The following TNIP3 variants were observed in gnomAD, a reference collection of about 807,000 sequenced individuals.
The protein encoded by TNIP3 is TNFAIP3-interacting protein 3.
Under a neutral mutation model 54.1 loss-of-function variants are expected in TNIP3, and 34 were observed. That is an observed-to-expected ratio of 0.63 (90% CI 0.48 to 0.84). TNIP3 has a LOEUF of 0.84. Among genes scored for constraint, TNIP3 ranks in the 40% least tolerant of loss-of-function variants. TNIP3 has a pLI of 0.00. For synonymous variants in TNIP3, 134 were observed against 136.8 expected (o/e 0.98, Z 0.14); for missense variants, 366 against 387.6 (o/e 0.94, Z 0.47).
chr4:121,172,282 A>G (rs910572488), intron 3 of TNIP3, among the ~76,000 whole-genome samples: 1 of 152,162 alleles, frequency 6.6e-6, no homozygotes, highest in South Asian at 2.1e-4. Flanking sequence ...GAGATTTCCT[A>G]TGTTCCTGGG....
At position 121,164,051 on chromosome 4, in the gene TNIP3, T is replaced by G; in HGVS notation, c.66+9A>C. On this transcript the variant is annotated intron_variant, in intron 1 of 10. Coordinates refer to ENST00000057513, the MANE Select transcript of TNIP3 (RefSeq NM_024873.6). The stretch of plus-strand genomic sequence containing the variant: ...GTGATCAACTCATCTCCTAGAAATA[T>G]GTTCTTACCTCTTTATGCTCCGTAG... 6.2e-7 allele frequency: 1 copy of G among 1,613,310 alleles called. No homozygotes were observed.
At chr4:121,189,875 T>G (rs60033855) in intron 2 of TNIP3, among the ~76,000 whole-genome samples, 1,802 of 152,318 alleles carry the variant, frequency 0.012, 45 homozygotes, top group African/African-American at 0.04. Context: ...GTTTATTTCC[T>G]CCCTGCTTTT....
chr4:121,144,519 A>G (rs566404026), intron 7 of TNIP3, among the ~76,000 whole-genome samples: 47 of 152,230 alleles, frequency 3.1e-4, no homozygotes, highest in Non-Finnish European at 6.0e-4. Flanking sequence ...CTCCTGCCTC[A>G]GCCTCCAAAA....
intron 2 of TNIP3, among the ~76,000 whole-genome samples, chr4:121,203,857 TTC>T (rs1465035754): frequency 2.0e-5 from 3 of 150,984 alleles, no homozygotes; most frequent in Admixed American, 6.6e-5. Flanking sequence ...TTCCATATTT[TTC>T]TCTGTGTTTA....
intron 3 of TNIP3, among the ~76,000 whole-genome samples, chr4:121,181,624 GGTGTGTGTGTGT>G (rs3028475): frequency 2.0e-5 from 3 of 148,568 alleles, no homozygotes; most frequent in African/African-American, 4.9e-5. Context: ...TAATAAGACA[GGTGTGTGTGTGT>G]GTGTGTGTGT....
intron 6 of TNIP3, among the ~76,000 whole-genome samples, chr4:121,149,483 G>A (rs1035929655): frequency 6.6e-6 from 1 of 152,160 alleles, no homozygotes; most frequent in African/African-American, 2.4e-5. Flanking sequence ...AATAAACCAC[G>A]TGGCTGGGTG....
chr4:121,149,376 A>T (rs1560645064), intron 6 of TNIP3, among the ~76,000 whole-genome samples: 1 of 152,226 alleles, frequency 6.6e-6, no homozygotes, highest in Non-Finnish European at 1.5e-5. Flanking sequence ...AACTGCTCTT[A>T]TTGTGCGAAG....
At chr4:121,150,758 G>C (rs532307678) in intron 5 of TNIP3, among the ~76,000 whole-genome samples, 1 of 152,212 alleles carries the variant, frequency 6.6e-6, no homozygotes, top group Non-Finnish European at 1.5e-5. Flanking sequence ...TCCAACAAGA[G>C]AGAGGGACAT....
intron 3 of TNIP3, among the ~76,000 whole-genome samples, chr4:121,171,435 G>A (rs1311688097): frequency 6.6e-6 from 1 of 152,100 alleles, no homozygotes; most frequent in Non-Finnish European, 1.5e-5. Context: ...TTGATGGTGG[G>A]TATATGTGTA....
At chr4:121,137,752 C>T (rs1235793733) in intron 10 of TNIP3, 4 of 328,718 alleles carry the variant, frequency 1.2e-5, no homozygotes, top group Non-Finnish European at 2.4e-5. Context: ...CAAACGAGAT[C>T]AAATTTCAAG....
chr4:121,193,051 C>A (rs758603601), intron 2 of TNIP3: 2 of 152,082 alleles, frequency 1.3e-5, no homozygotes, highest in Non-Finnish European at 2.9e-5. Flanking sequence ...TGTAGAACTA[C>A]CCTATACATA....
chr4:121,177,060 C>T (rs1724401837), intron 3 of TNIP3, among the ~76,000 whole-genome samples: 1 of 152,154 alleles, frequency 6.6e-6, no homozygotes, highest in South Asian at 2.1e-4. Context: ...CCCTTTCACT[C>T]CCAGGTTTCA....
At chr4:121,147,299 G>A in intron 6 of TNIP3, 125 bp from the exon 7 acceptor site, 2 of 1,202,402 alleles carry the variant, frequency 1.7e-6, no homozygotes, top group Non-Finnish European at 2.2e-6. Flanking sequence ...AGTGTTCAGT[G>A]TCACTGTTTT....
intron 3 of TNIP3, among the ~76,000 whole-genome samples, chr4:121,157,809 C>A (rs1373715466): frequency 1.3e-5 from 2 of 152,182 alleles, no homozygotes; most frequent in African/African-American, 4.8e-5. Context: ...CCATCACTAA[C>A]ACTGTCTTCA....
upstream of TNIP3, among the ~76,000 whole-genome samples, chr4:121,169,304 T>C (rs1482257139): frequency 6.6e-6 from 1 of 151,786 alleles, no homozygotes; most frequent in East Asian, 1.9e-4. Flanking sequence ...AACTGTCTTT[T>C]CCCTAGATCT....
intron 9 of TNIP3, among the ~76,000 whole-genome samples, chr4:121,140,120 G>A (rs1729027613): frequency 6.6e-6 from 1 of 152,094 alleles, no homozygotes; most frequent in Non-Finnish European, 1.5e-5. Context: ...CGGATCATGA[G>A]GTCAGGAGTT....
At position 121,141,813 on chromosome 4, in the gene TNIP3, T is replaced by C. The variant is rs541533492; in HGVS notation, c.885+3A>G. The C allele has an allele frequency of 7.9e-6, 12 of 1,528,156 alleles. No homozygotes were observed. The highest frequency in any genetic ancestry group is 2.1e-5 in the Admixed American group (1 of 47,554). The allele number at this position is 1,528,156 out of a possible 1,614,324, so 94.7% of individuals were successfully genotyped here. ...GCACTTTTTCAAATGCACTCTTACT[T>C]ACTGGGTGCTCCCGTTGCTTCTGCA... On this transcript the variant is annotated splice_donor_region_variant and intron_variant, in intron 9 of 10. Transcript: ENST00000057513.
intron 5 of TNIP3, 82 bp from the exon 6 acceptor site, chr4:121,150,301 A>C: frequency 1.3e-6 from 1 of 796,766 alleles, no homozygotes; most frequent in Non-Finnish European, 2.0e-6. Flanking sequence ...AATCATCTCA[A>C]ATGCACCCAC....
At chr4:121,141,746 A>G (rs1579373559) in intron 9 of TNIP3, 70 bp downstream of exon 9, 8 of 1,071,902 alleles carry the variant, frequency 7.5e-6, no homozygotes, top group Admixed American at 6.4e-5. Context: ...ATGTGCTGAA[A>G]TTCCAGAGAT....
Sources: allele counts gnomAD v4.1 joint callset (sites outside exome capture counted in the v4.1 genomes callset), GRCh38; gene constraint gnomAD v4.1.1; transcripts MANE v1.5; gene names NCBI Gene and HGNC (gene_info 2026-07-23, HGNC 2026-07-21).